Variants in ZNF280B observed in about 807,000 individuals in gnomAD.
The protein encoded by ZNF280B is zinc finger protein 280B.
A neutral mutation model predicts 38.0 loss-of-function variants in ZNF280B; 16 were observed. The observed-to-expected ratio is 0.42, with a 90% CI of 0.28 to 0.64. The LOEUF is 0.64. ZNF280B is among the 30% of genes least tolerant of loss of function. The pLI is 0.21. For missense variants in ZNF280B, 581 were observed against 639.6 expected (o/e 0.91, Z 0.99); for synonymous variants, 253 against 230.6 (o/e 1.10, Z -0.88).
At chr22:22,491,535 G>A (rs1367613225) in intron 3 of ZNF280B, among the ~76,000 whole-genome samples, 10 of 147,594 alleles carry the variant, frequency 6.8e-5, no homozygotes, top group African/African-American at 2.0e-4. Flanking sequence ...CTCAGCTCAC[G>A]GCAACCTCTG....
intron 2 of ZNF280B, among the ~76,000 whole-genome samples, chr22:22,497,127 C>T (rs1272176323): frequency 9.0e-5 from 13 of 143,970 alleles, no homozygotes; most frequent in Non-Finnish European, 7.5e-5. Context: ...CTGGGATCTA[C>T]TCCTAAGCAA....
At position 22,485,779 on chromosome 22, in the gene ZNF280B, T is replaced by C. The variant is rs1488585635; in HGVS notation, c.*1988A>G. 5.2e-5 allele frequency: 6 copies of C among 115,550 alleles called. No homozygotes were observed. Among genetic ancestry groups the C allele is most frequent in the Non-Finnish European group, 7.3e-5 (4 of 54,676 alleles). 7.2% of individuals were successfully genotyped at this position (115,550 alleles called of 1,614,324 possible). On this transcript the variant is annotated 3_prime_UTR_variant, in exon 4 of 4. Coordinates refer to ENST00000626650, the MANE Select transcript of ZNF280B (RefSeq NM_080764.4). ...AAAGGGAGAGATTTCTCCAGACCTA[T>C]GTATGTCTACAGCCAAGATGGCGGA... is the stretch of plus-strand genomic sequence containing the variant.
At chr22:22,493,303 G>A (rs1396033254) in intron 3 of ZNF280B, among the ~76,000 whole-genome samples, 3 of 151,866 alleles carry the variant, frequency 2.0e-5, no homozygotes, top group Admixed American at 6.6e-5. Flanking sequence ...CACCATGCCC[G>A]GCCAATCTGA....
rs1177748196 is a variant in ZNF280B, at chr22:22,486,375, T to G, written c.*1392A>C. 2.0e-5 allele frequency: 3 copies of G among 147,382 alleles called. No homozygotes were observed. The highest frequency in any genetic ancestry group is 8.2e-5 in the African/African-American group (3 of 36,594). 9.1% of individuals were successfully genotyped at this position (147,382 alleles called of 1,614,324 possible). On this transcript the variant is annotated 3_prime_UTR_variant, in exon 4 of 4. Coordinates refer to ENST00000626650, the MANE Select transcript of ZNF280B (RefSeq NM_080764.4). Reference sequence around the variant, plus strand: ...CAGCTTAACAGTGGGAAAACTAAATTTAGCCCAGTCCAGGAACTGGACAGA... The same window carrying G: ...CAGCTTAACAGTGGGAAAACTAAATGTAGCCCAGTCCAGGAACTGGACAGA...
At chr22:22,508,975 CGGTTCCAGGCAGTCAG>C (rs1441484298), upstream of ZNF280B, 1 of 152,858 alleles carries the variant, frequency 6.5e-6, no homozygotes, top group East Asian at 2.0e-4. Context: ...TTCCGGATCA[CGGTTCCAGGCAGTCAG>C]GGTTCCAGAG....
intron 2 of ZNF280B, among the ~76,000 whole-genome samples, chr22:22,495,326 G>A (rs2061672727): frequency 6.6e-6 from 1 of 151,890 alleles, no homozygotes; most frequent in Admixed American, 6.6e-5. Flanking sequence ...TGAATATTGA[G>A]TGCTTATTGT....
rs1408496147 is a variant in ZNF280B, at chr22:22,489,219, A to T, written c.180T>A (p.Ile60=). 6.2e-7 allele frequency: 1 copy of T among 1,613,688 alleles called. No homozygotes were observed. The highest frequency in any genetic ancestry group is 8.5e-7 in the Non-Finnish European group (1 of 1,179,962). ...TSNSKPVVSN[I]LNRVTPGSWS... ...ATGAACCCGGGGTGACTCTGTTCAAAATGTTTGAAACGACTGGTTTTGAAT... is the reference window on the plus strand; with the variant it reads ...ATGAACCCGGGGTGACTCTGTTCAATATGTTTGAAACGACTGGTTTTGAAT... The change falls in exon 4 of 4, where the codon ATT becomes ATA. Residue 60 remains isoleucine (I), a synonymous_variant. Transcript: ENST00000626650.
Position 22,487,447 on chromosome 22 carries a change from T to TAAAAAAAAAAAAAAA in ZNF280B, c.*305_*319dup, listed in dbSNP as rs71199481. ...TAACAGTGAGACCCTGTCTCTAAAG[T>TAAAAAAAAAAAAAAA]AAAAAAAAAAAAAAAAAAAAAAAAA... On this transcript the variant is annotated 3_prime_UTR_variant, in exon 4 of 4. Coordinates refer to ENST00000626650, the MANE Select transcript of ZNF280B (RefSeq NM_080764.4). The TAAAAAAAAAAAAAAA allele has an allele frequency of 4.5e-5, 3 of 66,756 alleles. No homozygotes were observed. The highest frequency in any genetic ancestry group is 6.7e-5 in the Non-Finnish European group (2 of 29,844). 4.1% of individuals were successfully genotyped at this position (66,756 alleles called of 1,614,324 possible). A position where few individuals can be genotyped will look rare whatever the true frequency, so the allele number is the denominator to read the frequency against.
intron 3 of ZNF280B, among the ~76,000 whole-genome samples, chr22:22,492,151 A>G (rs2061607645): frequency 6.6e-6 from 1 of 152,024 alleles, no homozygotes; most frequent in African/African-American, 2.4e-5. Flanking sequence ...TCAACTATAT[A>G]CAAACTGGTG....
chr22:22,508,176 G>A (rs1381806912), intron 1 of ZNF280B, among the ~76,000 whole-genome samples: 1 of 151,956 alleles, frequency 6.6e-6, no homozygotes, highest in African/African-American at 2.4e-5. Context: ...CAGTAAATGA[G>A]ACAAGACGCT....
In ZNF280B at chr22:22,488,422, T is replaced by C; in HGVS notation, c.977A>G (p.Lys326Arg). ...CTGCTTCTCAAATTCCAAATGATGC[T>C]TCACGTGATTCATAAACTTAACATT... is the stretch of plus-strand genomic sequence containing the variant. ...LKNVKFMNHV[K>R]HHLEFEKQRN... The change falls in exon 4 of 4, where the codon AAG becomes AGG. Residue 326 changes from lysine (K) to arginine (R), a missense_variant. Transcript: ENST00000626650. The C allele has an allele frequency of 6.2e-7, 1 of 1,613,874 alleles. No individual in the cohort carries two copies. The highest frequency in any genetic ancestry group is 8.5e-7 in the Non-Finnish European group (1 of 1,179,984).
chr22:22,505,302 A>C (rs1333768939), intron 2 of ZNF280B, among the ~76,000 whole-genome samples: 3 of 151,958 alleles, frequency 2.0e-5, no homozygotes, highest in African/African-American at 7.2e-5. Context: ...GTGGTGGCTC[A>C]CATCTGTAAT....
chr22:22,496,105 CTTTTTTTTT>C (rs34586676), intron 2 of ZNF280B, among the ~76,000 whole-genome samples: 1 of 114,696 alleles, frequency 8.7e-6, no homozygotes, highest in Non-Finnish European at 1.7e-5. Context: ...TGCGCCTGGC[CTTTTTTTTT>C]TTTTTTTTTT....
In ZNF280B at chr22:22,487,675, T is replaced by C. The variant is rs1866313675; in HGVS notation, c.*92A>G. Reference sequence around the variant, plus strand: ...AATCCACTAGTTTCACTATTTTTGGTGCTACTGAATAATGTATGGTTTGTA... The same window carrying C: ...AATCCACTAGTTTCACTATTTTTGGCGCTACTGAATAATGTATGGTTTGTA... On this transcript the variant is annotated 3_prime_UTR_variant, in exon 4 of 4. Coordinates refer to ENST00000626650, the MANE Select transcript of ZNF280B (RefSeq NM_080764.4). The C allele has an allele frequency of 9.7e-7, 1 of 1,027,140 alleles. No individual in the cohort carries two copies. The highest frequency in any genetic ancestry group is 2.7e-5 in the Admixed American group (1 of 37,710). The allele number at this position is 1,027,140 out of a possible 1,614,324, so 63.6% of individuals were successfully genotyped here. A position where few individuals can be genotyped will look rare whatever the true frequency, so the allele number is the denominator to read the frequency against.
intron 2 of ZNF280B, among the ~76,000 whole-genome samples, chr22:22,500,837 C>T (rs1413056902): frequency 2.0e-5 from 3 of 151,294 alleles, no homozygotes; most frequent in Admixed American, 6.6e-5. Context: ...CCAGCCTAGG[C>T]GACAAGAGAG....
At chr22:22,491,985 A>T (rs1384320119) in intron 3 of ZNF280B, among the ~76,000 whole-genome samples, 1 of 152,004 alleles carries the variant, frequency 6.6e-6, no homozygotes, top group Non-Finnish European at 1.5e-5. Context: ...CATAAAAATT[A>T]AATTGACATC....
At chr22:22,508,908 A>C (rs1399626418), upstream of ZNF280B, 5 of 152,144 alleles carry the variant, frequency 3.3e-5, no homozygotes, top group African/African-American at 1.2e-4. Context: ...ACGCGGGGTT[A>C]AATTGAGAAG....
intron 2 of ZNF280B, among the ~76,000 whole-genome samples, chr22:22,499,676 G>A (rs1043303437): frequency 2.0e-5 from 3 of 151,956 alleles, no homozygotes; most frequent in Non-Finnish European, 4.4e-5. Context: ...GGAATAGAAG[G>A]AAACTTTCTC....
chr22:22,502,555 G>A (rs529267867), intron 2 of ZNF280B, among the ~76,000 whole-genome samples: 7 of 151,914 alleles, frequency 4.6e-5, no homozygotes, highest in South Asian at 2.1e-4. Context: ...ATGAATAAAC[G>A]AACTGTGGTA....
Sources: allele counts gnomAD v4.1 joint callset (sites outside exome capture counted in the v4.1 genomes callset), GRCh38; gene constraint gnomAD v4.1.1; transcripts MANE v1.5; gene names NCBI Gene and HGNC (gene_info 2026-07-23, HGNC 2026-07-21).